The following RAB5IF variants were observed in gnomAD, a reference collection of about 807,000 sequenced individuals.
RAB5IF encodes RAB5 interacting factor, also known as GEL complex subunit OPTI.
In RAB5IF, 15 loss-of-function variants were observed where a neutral mutation model predicts 20.3. The observed-to-expected ratio is 0.74, with a 90% confidence interval of 0.50 to 1.14. The LOEUF (loss-of-function observed/expected upper bound fraction) is 1.14. Ranked by LOEUF, RAB5IF falls within the 50% of genes most tolerant of loss-of-function variation. The pLI, the probability that RAB5IF is intolerant of heterozygous loss-of-function variation, is 0.00. For missense variants in RAB5IF, 148 were observed against 159.5 expected (o/e 0.93, Z 0.39); for synonymous variants, 67 against 63.7 (o/e 1.05, Z -0.25).
chr20:36,609,006 C>G (rs960247105), intron 2 of RAB5IF, among the ~76,000 whole-genome samples: 1 of 151,708 alleles, frequency 6.6e-6, no homozygotes, highest in Non-Finnish European at 1.5e-5. Context: ...TATACTGTTG[C>G]TTGCTCAACT....
At chr20:36,611,281 G>A (rs1234873791) in intron 3 of RAB5IF, among the ~76,000 whole-genome samples, 1 of 152,012 alleles carries the variant, frequency 6.6e-6, no homozygotes, top group Non-Finnish European at 1.5e-5. Flanking sequence ...GTGAGCCACT[G>A]CACCTGGCCC....
intron 2 of RAB5IF, among the ~76,000 whole-genome samples, chr20:36,609,176 C>CACACACACACACACACACAT: frequency 3.6e-5 from 1 of 28,074 alleles, no homozygotes; most frequent in Middle Eastern, 0.012. Flanking sequence ...CACACACACA[C>CACACACACACACACACACAT]ACACACACAC....
In RAB5IF at chr20:36,612,066, C is replaced by G. The variant is rs772993204; in HGVS notation, c.*15C>G. ...ATTATGACTGATGGTGTACAGCTCC[C>G]AAGTGCTCCCTATCCAGTCCAAAGG... On this transcript the variant is annotated 3_prime_UTR_variant, in exon 4 of 4. Coordinates refer to ENST00000344795, the MANE Select transcript of RAB5IF (RefSeq NM_018840.5). 1 of 1,614,192 alleles carries G rather than the reference C, an allele frequency of 6.2e-7. No homozygotes were observed. Among genetic ancestry groups the G allele is most frequent in the Non-Finnish European group, 8.5e-7 (1 of 1,180,032 alleles).
intron 3 of RAB5IF, among the ~76,000 whole-genome samples, chr20:36,611,493 CAAAAAAAAAAAAAA>C (rs60975859): frequency 2.1e-4 from 10 of 46,544 alleles, no homozygotes; most frequent in African/African-American, 5.5e-4. Context: ...CAGCAGGACT[CAAAAAAAAAAAAAA>C]AAAAAAAACC....
rs1191644214 is a variant in RAB5IF at position 36,606,001 on chromosome 20, A to C, written c.50A>C (p.Asn17Thr). The C allele has an allele frequency of 1.3e-6, 2 of 1,528,878 alleles. No individual in the cohort carries two copies. Among genetic ancestry groups the C allele is most frequent in the East Asian group, 2.6e-5 (1 of 39,002 alleles). The allele number at this position is 1,528,878 out of a possible 1,614,324, so 94.7% of individuals were successfully genotyped here. A position where few individuals can be genotyped will look rare whatever the true frequency, so the allele number is the denominator to read the frequency against. ...GAGCCGCCTCAGCCGCAGCTGGCCA[A>C]CGGGGCCCTCAAAGTCTCCGTCTGG... is the stretch of plus-strand genomic sequence containing the variant. ...KEEPPQPQLA[N>T]GALKVSVWSK... The change falls in exon 1 of 4, where the codon AAC becomes ACC. Residue 17 changes from asparagine (N) to threonine (T), a missense_variant. Transcript: ENST00000344795.
intron 3 of RAB5IF, 81 bp downstream of exon 3, chr20:36,609,811 G>T: frequency 6.2e-7 from 1 of 1,612,966 alleles, no homozygotes; most frequent in Non-Finnish European, 8.5e-7. Flanking sequence ...CACTGATTGA[G>T]TTACACTGTG....
chr20:36,609,937 C>T (rs1392975455), intron 3 of RAB5IF: 12 of 760,116 alleles, frequency 1.6e-5, no homozygotes, highest in Admixed American at 3.1e-5. Flanking sequence ...ATGTGTAAAT[C>T]CAGGGCCCAT....
intron 2 of RAB5IF, among the ~76,000 whole-genome samples, chr20:36,609,219 G>GCACGCACGCACGCACGCACA (rs1720602658): frequency 2.3e-5 from 1 of 42,774 alleles, no homozygotes; most frequent in Admixed American, 2.7e-4. Flanking sequence ...ACGCACACAC[G>GCACGCACGCACGCACGCACA]CACACACACA....
At position 36,609,747 on chromosome 20, in the gene RAB5IF, GT is replaced by G. The variant is rs776996192; in HGVS notation, c.348+21del. The G allele has an allele frequency of 1.2e-5, 19 of 1,614,016 alleles. No homozygotes were observed. In the African/African-American group the frequency reaches 1.7e-4, roughly 15 times the overall value. On this transcript the variant is annotated intron_variant, in intron 3 of 3. Coordinates refer to ENST00000344795, the MANE Select transcript of RAB5IF (RefSeq NM_018840.5). ...TTGTTCATGGTATGTGTAGCTGATA[GT>G]TTTACAACAGGTACTGTTCATTTCA...
chr20:36,611,925 T>TA, intron 3 of RAB5IF, 85 bp from the exon 4 acceptor site: 1 of 1,579,842 alleles, frequency 6.3e-7, no homozygotes. Context: ...GCCCCGTGTT[T>TA]ACATTCTCAT....
chr20:36,608,751 G>A (rs980029317), intron 2 of RAB5IF, among the ~76,000 whole-genome samples: 3 of 151,512 alleles, frequency 2.0e-5, no homozygotes, highest in Non-Finnish European at 4.4e-5. Flanking sequence ...TTTTAGTAGC[G>A]ACGGGGTTTC....
chr20:36,607,312 T>G (rs1004049823), intron 1 of RAB5IF, among the ~76,000 whole-genome samples: 1 of 143,672 alleles, frequency 7.0e-6, no homozygotes, highest in Admixed American at 7.2e-5. Context: ...CCCTGCAACC[T>G]CCACCTCCCA....
At position 36,605,831 on chromosome 20, in the gene RAB5IF, G is replaced by T; in HGVS notation, c.-121G>T. ...GCCAGGTTGTGAGGAACCGCAGCGCGCCGCAGGACCGGGCCGCTGAGCCTG... is the reference window on the plus strand; with the variant it reads ...GCCAGGTTGTGAGGAACCGCAGCGCTCCGCAGGACCGGGCCGCTGAGCCTG... On this transcript the variant is annotated 5_prime_UTR_variant, in exon 1 of 4. Coordinates refer to ENST00000344795, the MANE Select transcript of RAB5IF (RefSeq NM_018840.5). The T allele has an allele frequency of 2.1e-6, 1 of 475,766 alleles. No individual in the cohort carries two copies. The highest frequency in any genetic ancestry group is 4.5e-5 in the Admixed American group (1 of 22,302). The allele number at this position is 475,766 out of a possible 1,614,324, so 29.5% of individuals were successfully genotyped here. A position where few individuals can be genotyped will look rare whatever the true frequency, so the allele number is the denominator to read the frequency against.
intron 3 of RAB5IF, 191 bp downstream of exon 3, chr20:36,609,921 C>A: frequency 1.2e-6 from 1 of 851,048 alleles, no homozygotes; most frequent in African/African-American, 1.7e-5. Context: ...TGTACAGTCC[C>A]CTGTAATGTG....
At chr20:36,606,624 C>T (rs77489343) in intron 1 of RAB5IF, among the ~76,000 whole-genome samples, 16 of 152,258 alleles carry the variant, frequency 1.1e-4, no homozygotes, top group Non-Finnish European at 2.2e-4. Flanking sequence ...GGACCGAATA[C>T]TTTGATAAGC....
intron 3 of RAB5IF, 116 bp downstream of exon 3, chr20:36,609,846 G>A: frequency 6.3e-7 from 1 of 1,588,564 alleles, no homozygotes; most frequent in Non-Finnish European, 8.6e-7. Context: ...TTTTTCTAAA[G>A]GCTTCTGAGG....
At position 36,609,600 on chromosome 20, in the gene RAB5IF, G is replaced by T; in HGVS notation, c.219-1G>T. On this transcript the variant is annotated splice_acceptor_variant, in intron 2 of 3. Transcript: ENST00000344795. LOFTEE classifies it high-confidence loss of function. Reference sequence around the variant, plus strand: ...TTGGTACTTGTTCTCTGTTGCTCCAGATTCTGCCTGATCAATGCAGGAGTC... The same window carrying T: ...TTGGTACTTGTTCTCTGTTGCTCCATATTCTGCCTGATCAATGCAGGAGTC... The T allele has an allele frequency of 6.3e-7, 1 of 1,586,872 alleles. No homozygotes were observed. The highest frequency in any genetic ancestry group is 8.6e-7 in the Non-Finnish European group (1 of 1,167,082).
chr20:36,606,185 G>T (rs2038930178), intron 1 of RAB5IF, 120 bp downstream of exon 1: 1 of 595,534 alleles, frequency 1.7e-6, no homozygotes, highest in Non-Finnish European at 2.7e-6. Flanking sequence ...GCAGTGGGGC[G>T]GGTGGCCCAA....
chr20:36,609,929 G>A (rs1283695826), intron 3 of RAB5IF, 199 bp downstream of exon 3: 5 of 809,300 alleles, frequency 6.2e-6, no homozygotes, highest in Non-Finnish European at 9.4e-6. Flanking sequence ...CCCCTGTAAT[G>A]TGTAAATCCA....
Sources: allele counts gnomAD v4.1 joint callset (sites outside exome capture counted in the v4.1 genomes callset), GRCh38; gene constraint gnomAD v4.1.1; transcripts MANE v1.5; gene names NCBI Gene and HGNC (gene_info 2026-07-23, HGNC 2026-07-21).